Variants in SERPINI2 observed in about 807,000 individuals in gnomAD.
The protein encoded by SERPINI2 is serpin I2.
Under a neutral mutation model 47.3 loss-of-function variants are expected in SERPINI2, and 48 were observed. The observed-to-expected ratio is 1.02, with a 90% CI of 0.81 to 1.29. SERPINI2 has a LOEUF of 1.29. Ranked by LOEUF, SERPINI2 falls within the 50% of genes most tolerant of loss-of-function variation. The pLI, the probability that SERPINI2 is intolerant of heterozygous loss-of-function variation, is 0.00. For synonymous variants in SERPINI2, 135 were observed against 149.3 expected (o/e 0.90, Z 0.70); for missense variants, 448 against 456.9 (o/e 0.98, Z 0.18).
At chr3:167,472,053 T>C in intron 1 of SERPINI2, 1 of 485,474 alleles carries the variant, frequency 2.1e-6, no homozygotes. Flanking sequence ...CAAGAACCAG[T>C]AGAAAATATA....
At chr3:167,467,266 C>T (rs1186608570) in exon 3 of SERPINI2, 1 of 1,609,896 alleles carries the variant, frequency 6.2e-7, no homozygotes, top group Non-Finnish European at 8.5e-7. Context: ...AAAATGACTT[C>T]AGTACAAAAA....
At chr3:167,455,529 G>A (rs1192151500) in intron 5 of SERPINI2, among the ~76,000 whole-genome samples, 1 of 150,122 alleles carries the variant, frequency 6.7e-6, no homozygotes, top group African/African-American at 2.5e-5. Context: ...CTTTGGTACA[G>A]TGGGCTTGAA....
At chr3:167,453,093 A>G in intron 5 of SERPINI2, 60 bp from the exon 6 acceptor site, 1 of 855,740 alleles carries the variant, frequency 1.2e-6, no homozygotes, top group Non-Finnish European at 1.9e-6. Context: ...TTTGCTACCA[A>G]TTTTTTAATG....
intron 5 of SERPINI2, 115 bp downstream of exon 5, chr3:167,465,091 G>C: frequency 1.1e-6 from 1 of 935,434 alleles, no homozygotes; most frequent in Non-Finnish European, 1.6e-6. Flanking sequence ...AAATACATTT[G>C]TATTTTCATT....
At chr3:167,462,944 T>G (rs1170797799) in intron 5 of SERPINI2, among the ~76,000 whole-genome samples, 1 of 152,208 alleles carries the variant, frequency 6.6e-6, no homozygotes, top group Non-Finnish European at 1.5e-5. Context: ...TCAAAGGAAA[T>G]TCTGGTGAAA....
exon 9 of SERPINI2, chr3:167,441,973 C>T: frequency 1.7e-6 from 1 of 572,406 alleles, no homozygotes; most frequent in Non-Finnish European, 2.9e-6. Context: ...TTCATCAAGA[C>T]AGATATCTAT....
chr3:167,471,982 T>A (rs1750340853), intron 1 of SERPINI2, 138 bp from the exon 2 acceptor site: 1 of 605,188 alleles, frequency 1.7e-6, no homozygotes, highest in Admixed American at 2.9e-5. Context: ...CCAATTAGAT[T>A]TCTAAGTATC....
exon 3 of SERPINI2, chr3:167,467,211 C>G (rs770824498): frequency 1.7e-5 from 28 of 1,613,136 alleles, no homozygotes; most frequent in Non-Finnish European, 1.3e-5. Flanking sequence ...AGGGCATTGG[C>G]AAGATTAAAT....
chr3:167,446,875 G>C (rs1213229555), intron 7 of SERPINI2: 1 of 152,928 alleles, frequency 6.5e-6, no homozygotes, highest in African/African-American at 2.4e-5. Flanking sequence ...TTGCACTTCG[G>C]GTTTGTGGTA....
At chr3:167,443,318 G>A (rs905379931) in intron 8 of SERPINI2, among the ~76,000 whole-genome samples, 1 of 152,042 alleles carries the variant, frequency 6.6e-6, no homozygotes, top group Non-Finnish European at 1.5e-5. Flanking sequence ...CGTATTAGCT[G>A]GGATGGTCTC....
At chr3:167,443,256 C>T (rs1044211668) in intron 8 of SERPINI2, among the ~76,000 whole-genome samples, 7 of 152,088 alleles carry the variant, frequency 4.6e-5, no homozygotes, top group East Asian at 3.9e-4. Flanking sequence ...TATAGGTGCC[C>T]GCCACCACGC....
intron 6 of SERPINI2, among the ~76,000 whole-genome samples, chr3:167,450,664 A>C (rs192887980): frequency 8.7e-5 from 13 of 149,976 alleles, no homozygotes; most frequent in South Asian, 2.1e-4. Flanking sequence ...ATGCGAGAGA[A>C]TTTCTCTCAA....
chr3:167,448,813 C>T (rs370224779), intron 7 of SERPINI2, among the ~76,000 whole-genome samples: 3 of 151,496 alleles, frequency 2.0e-5, no homozygotes, highest in African/African-American at 7.3e-5. Flanking sequence ...TGAGCCACCG[C>T]GCCCGGTTGA....
chr3:167,462,046 A>G (rs1235763418), intron 5 of SERPINI2, among the ~76,000 whole-genome samples: 1 of 152,046 alleles, frequency 6.6e-6, no homozygotes, highest in African/African-American at 2.4e-5. Flanking sequence ...TGTAAAGATA[A>G]CTCTTTTAGG....
intron 5 of SERPINI2, among the ~76,000 whole-genome samples, chr3:167,463,749 G>A (rs1487835736): frequency 6.6e-6 from 1 of 152,118 alleles, no homozygotes; most frequent in Non-Finnish European, 1.5e-5. Context: ...AGAGGAGAAA[G>A]TTTACCTGAT....
At chr3:167,465,496 A>G (rs1750106351) in exon 4 of SERPINI2, 3 of 1,613,398 alleles carry the variant, frequency 1.9e-6, no homozygotes, top group Non-Finnish European at 2.5e-6. Context: ...TGTTCTCAGA[A>G]GAGCCTTCAT....
intron 5 of SERPINI2, among the ~76,000 whole-genome samples, chr3:167,464,009 CT>C (rs555948215): frequency 7.3e-3 from 678 of 93,244 alleles, no homozygotes; most frequent in South Asian, 0.022. Flanking sequence ...ACAGGAGTGG[CT>C]TTTTTTTTTT....
At chr3:167,471,783 C>T (rs1345581945) in exon 2 of SERPINI2, 1 of 1,613,206 alleles carries the variant, frequency 6.2e-7, no homozygotes, top group Non-Finnish European at 8.5e-7. Context: ...CATCTTGAGG[C>T]TTGACTTCCA....
intron 2 of SERPINI2, among the ~76,000 whole-genome samples, 195 bp from the exon 3 acceptor site, chr3:167,467,480 T>C (rs546208260): frequency 1.7e-4 from 26 of 152,276 alleles, no homozygotes; most frequent in Non-Finnish European, 3.4e-4. Flanking sequence ...AGAGAAATCA[T>C]CTTTTATATA....
Sources: allele counts gnomAD v4.1 joint callset (sites outside exome capture counted in the v4.1 genomes callset), GRCh38; gene constraint gnomAD v4.1.1; transcripts MANE v1.5; gene names NCBI Gene and HGNC (gene_info 2026-07-23, HGNC 2026-07-21).